ABI3BP: variants seen among roughly 807,000 people sequenced by gnomAD.
ABI3BP encodes target of Nesh-SH3.
Under a neutral mutation model 268.6 loss-of-function variants are expected in ABI3BP, and 216 were observed. That is an observed-to-expected ratio of 0.80 (90% CI 0.72 to 0.90). The LOEUF (loss-of-function observed/expected upper bound fraction) is 0.90, where lower values mean the gene tolerates loss of function less well. ABI3BP is among the 40% of genes least tolerant of loss of function. The pLI is 0.00. For synonymous variants in ABI3BP, 730 were observed against 730.0 expected (o/e 1.00, Z 0.00); for missense variants, 2,090 against 2,182.4 (o/e 0.96, Z 0.84).
intron 10 of ABI3BP, among the ~76,000 whole-genome samples, chr3:100,865,409 C>G (rs1204349827): frequency 6.6e-6 from 1 of 152,228 alleles, no homozygotes; most frequent in East Asian, 1.9e-4. Context: ...AATGAATATG[C>G]AAAGCTTGAA....
At chr3:100,981,206 G>C (rs1160510142) in intron 1 of ABI3BP, among the ~76,000 whole-genome samples, 2 of 151,542 alleles carry the variant, frequency 1.3e-5, no homozygotes, top group Non-Finnish European at 2.9e-5. Context: ...CAACCAAGTG[G>C]AATACTTTGC....
rs139922006 is a variant in ABI3BP at position 100,985,969 on chromosome 3, T to C, written c.79+7337A>G. On this transcript the variant is annotated intron_variant, in intron 1 of 67. Transcript: ENST00000471714. ...TCTTTGTGGTGGATAGACTCTTACA[T>C]AATCTGAGGTATACAATCAACTTGT... 2.4e-4 allele frequency among the ~76,000 whole-genome samples: 37 copies of C among 152,352 alleles called. No homozygotes were observed. The East Asian group carries it at 5.4e-3, about 22-fold the overall frequency.
chr3:100,874,745 C>T (rs2099143565), intron 9 of ABI3BP, 96 bp downstream of exon 9: 2 of 707,388 alleles, frequency 2.8e-6, no homozygotes, highest in East Asian at 2.9e-5. Context: ...TTGAGATCCT[C>T]AAACAGCTCA....
At chr3:100,985,424 C>T (rs2091401201) in intron 1 of ABI3BP, among the ~76,000 whole-genome samples, 1 of 152,106 alleles carries the variant, frequency 6.6e-6, no homozygotes, top group Non-Finnish European at 1.5e-5. Flanking sequence ...GCTGGGATTA[C>T]AGGCATGAGC....
chr3:100,972,363 C>G (rs2084020324), intron 1 of ABI3BP, among the ~76,000 whole-genome samples: 1 of 152,060 alleles, frequency 6.6e-6, no homozygotes, highest in Non-Finnish European at 1.5e-5. Context: ...TCTGGGCCAA[C>G]AAGAGAAGTG....
intron 61 of ABI3BP, among the ~76,000 whole-genome samples, chr3:100,773,046 TC>T (rs1268626641): frequency 7.0e-6 from 1 of 143,454 alleles, no homozygotes; most frequent in Admixed American, 7.3e-5. Context: ...CCACTGCACT[TC>T]AGCCTGGGCA....
intron 20 of ABI3BP, chr3:100,843,645 G>C: frequency 1.0e-6 from 1 of 984,476 alleles, no homozygotes; most frequent in Non-Finnish European, 1.2e-6. Flanking sequence ...GTGTGAGAAA[G>C]AGAAAGGGAA....
intron 1 of ABI3BP, among the ~76,000 whole-genome samples, chr3:100,942,872 T>G (rs1291889849): frequency 6.6e-6 from 1 of 152,118 alleles, no homozygotes; most frequent in Non-Finnish European, 1.5e-5. Context: ...ACAATAAAAT[T>G]AATGGGCCCA....
At chr3:100,872,514 A>C (rs1581372015) in intron 9 of ABI3BP, among the ~76,000 whole-genome samples, 2 of 152,328 alleles carry the variant, frequency 1.3e-5, no homozygotes, top group Admixed American at 1.3e-4. Flanking sequence ...AACTCTGCTC[A>C]TTTTCAGTCC....
intron 63 of ABI3BP, among the ~76,000 whole-genome samples, chr3:100,762,558 TA>T (rs2096032181): frequency 6.6e-6 from 1 of 152,244 alleles, no homozygotes; most frequent in African/African-American, 2.4e-5. Context: ...TCCAATTATT[TA>T]ACAGGTGTTA....
At chr3:100,830,106 C>CATACATAT (rs1183745589) in intron 32 of ABI3BP, among the ~76,000 whole-genome samples, 9 of 77,036 alleles carry the variant, frequency 1.2e-4, no homozygotes, top group South Asian at 1.0e-3. Context: ...TACATACATA[C>CATACATAT]ATACATATAT....
chr3:100,864,634 C>A, intron 11 of ABI3BP, 199 bp downstream of exon 11: 2 of 531,128 alleles, frequency 3.8e-6, no homozygotes, highest in Non-Finnish European at 3.3e-6. Context: ...GTTCAGTCAC[C>A]AGGATCAGCC....
At chr3:100,798,571 TTTTAGA>T (rs1163649509) in intron 51 of ABI3BP, among the ~76,000 whole-genome samples, 1 of 151,766 alleles carries the variant, frequency 6.6e-6, no homozygotes, top group Non-Finnish European at 1.5e-5. Flanking sequence ...ATTATTATAA[TTTTAGA>T]TTTAATTATA....
Position 100,792,421 on chromosome 3 carries a change from A to G in ABI3BP, c.4024+270T>C, listed in dbSNP as rs117819542. 3.8e-4 allele frequency among the ~76,000 whole-genome samples: 58 copies of G among 151,842 alleles called. 1 individual carries two copies. The East Asian group carries it at 0.011, about 28-fold the overall frequency. On this transcript the variant is annotated intron_variant, in intron 55 of 67. Transcript: ENST00000471714. ...AGGCAAATGAAGGTCAAATGTGTGGAAAAAATGGGATCTTCCACTCTTAGT... is the reference window on the plus strand; with the variant it reads ...AGGCAAATGAAGGTCAAATGTGTGGGAAAAATGGGATCTTCCACTCTTAGT...
intron 57 of ABI3BP, among the ~76,000 whole-genome samples, chr3:100,786,686 C>A (rs2097056679): frequency 6.6e-6 from 1 of 152,192 alleles, no homozygotes; most frequent in Non-Finnish European, 1.5e-5. Flanking sequence ...GCTCCGTTTA[C>A]AGCCAGATTG....
rs35472825 is a variant in ABI3BP, at chr3:100,984,145, TAA to T, written c.79+9159_79+9160del. On this transcript the variant is annotated intron_variant, in intron 1 of 67. Coordinates refer to ENST00000471714, the MANE Select transcript of ABI3BP (RefSeq NM_001375547.2). The stretch of plus-strand genomic sequence containing the variant: ...GCCATATTAGAATCACCTGAGGAGT[TAA>T]AAAAAAAAAAATCCCACCCTAGACC... Among the ~76,000 whole-genome samples, 407 of 148,706 alleles carry T rather than the reference TAA, an allele frequency of 2.7e-3. 2 individuals carry two copies. The highest frequency in any genetic ancestry group is 6.2e-3 in the African/African-American group (252 of 40,660).
At chr3:100,771,049 T>C in intron 61 of ABI3BP, 97 bp from the exon 62 acceptor site, 1 of 1,099,576 alleles carries the variant, frequency 9.1e-7, no homozygotes, top group Non-Finnish European at 1.2e-6. Context: ...TTTGGTCTCA[T>C]ATTATAAGCG....
intron 1 of ABI3BP, among the ~76,000 whole-genome samples, chr3:100,989,735 A>G (rs2092618138): frequency 6.6e-6 from 1 of 152,154 alleles, no homozygotes; most frequent in South Asian, 2.1e-4. Flanking sequence ...CTGCTCTCCC[A>G]CTATAAGATT....
intron 27 of ABI3BP, among the ~76,000 whole-genome samples, chr3:100,835,936 T>C (rs1022377053): frequency 6.6e-6 from 1 of 152,168 alleles, no homozygotes; most frequent in Non-Finnish European, 1.5e-5. Context: ...CAAGAAAATC[T>C]TAGTTGTCCA....
Sources: allele counts gnomAD v4.1 joint callset (sites outside exome capture counted in the v4.1 genomes callset), GRCh38; gene constraint gnomAD v4.1.1; transcripts MANE v1.5; gene names NCBI Gene and HGNC (gene_info 2026-07-23, HGNC 2026-07-21).